The following CLDN16 variants were observed in gnomAD, a reference collection of about 807,000 sequenced individuals.
CLDN16 encodes claudin-16.
In CLDN16, 13 loss-of-function variants were observed where a neutral mutation model predicts 24.6. The observed-to-expected ratio is 0.53, with a 90% CI of 0.34 to 0.84. The LOEUF (loss-of-function observed/expected upper bound fraction) is 0.84. CLDN16 is among the 40% of genes least tolerant of loss of function. The pLI is 0.01. For synonymous variants in CLDN16, 116 were observed against 106.7 expected (o/e 1.09, Z -0.54); for missense variants, 298 against 292.7 (o/e 1.02, Z -0.13).
At position 190,388,306 on chromosome 3, in the gene CLDN16, C is replaced by T. The variant is rs1277041944; in HGVS notation, c.-24C>T. The T allele has an allele frequency of 2.5e-6, 4 of 1,614,030 alleles. No homozygotes were observed. Among genetic ancestry groups the T allele is most frequent in the East Asian group, 4.5e-5 (2 of 44,890 alleles). ...CAGGGCTGGTGTCTGCCCATGTTGC[C>T]ATCCTGATGGGCTGCTTGCCACAAT... On this transcript the variant is annotated 5_prime_UTR_variant, in exon 1 of 5. Transcript: ENST00000264734.
At chr3:190,345,106 A>C (rs1717523994) in intron 1 of CLDN16, among the ~76,000 whole-genome samples, 1 of 152,138 alleles carries the variant, frequency 6.6e-6, no homozygotes, top group Non-Finnish European at 1.5e-5. Flanking sequence ...TAACACACAC[A>C]CAGTGCTGCT....
At chr3:190,388,097 T>C, upstream of CLDN16, 4 of 1,609,418 alleles carry the variant, frequency 2.5e-6, no homozygotes, top group African/African-American at 1.3e-5. Flanking sequence ...TGCCTTCTGA[T>C]TGGAGGCTGG....
chr3:190,307,402 C>T, the CLDN16 span: 1 of 152,052 alleles, frequency 6.6e-6, no homozygotes, highest in Non-Finnish European at 1.5e-5. Flanking sequence ...GTTACAACAC[C>T]TGGGGGAACA....
At chr3:190,323,023 C>CACACACACACAG (rs1716975576) in intron 1 of CLDN16, among the ~76,000 whole-genome samples, 1 of 150,024 alleles carries the variant, frequency 6.7e-6, no homozygotes, top group Non-Finnish European at 1.5e-5. Context: ...CACACACACA[C>CACACACACACAG]ACACAGACAC....
At chr3:190,313,329 G>C in the CLDN16 span, 3 of 402,016 alleles carry the variant, frequency 7.5e-6, no homozygotes, top group Non-Finnish European at 1.4e-5. Flanking sequence ...ATTGAATAGG[G>C]TTAGCTGAAC....
chr3:190,408,064 A>AT (rs2108519582), intron 3 of CLDN16, among the ~76,000 whole-genome samples: 1 of 152,334 alleles, frequency 6.6e-6, no homozygotes, highest in South Asian at 2.1e-4. Flanking sequence ...ATTTACACAG[A>AT]TAAGCACTGT....
chr3:190,382,792 CT>C lies in CLDN16; in HGVS notation n.306+8194del, dbSNP rs1456261259. On this transcript the variant is annotated intron_variant and non_coding_transcript_variant, in intron 3 of 4. Transcript: ENST00000468220. ...CCTTTTTGAAAACAATTAAAATACT[CT>C]TTTTGTCCCAATTTCCTTCAGTCAT... Among the ~76,000 whole-genome samples, 4 of 152,126 alleles carry C rather than the reference CT, an allele frequency of 2.6e-5. No homozygotes were observed. In the East Asian group the frequency reaches 7.7e-4, roughly 29 times the overall value.
At chr3:190,386,144 G>A (rs188730676), upstream of CLDN16, among the ~76,000 whole-genome samples, 1 of 150,108 alleles carries the variant, frequency 6.7e-6, no homozygotes, top group African/African-American at 2.4e-5. Flanking sequence ...TGCTCTCCCA[G>A]ATCAGCAGAG....
At chr3:190,395,075 C>T (rs919111177) in intron 1 of CLDN16, among the ~76,000 whole-genome samples, 1 of 152,020 alleles carries the variant, frequency 6.6e-6, no homozygotes, top group African/African-American at 2.4e-5. Context: ...ATAATCATTA[C>T]AAAGTTGTAA....
chr3:190,378,740 C>T (rs1204658682), intron 3 of CLDN16, among the ~76,000 whole-genome samples: 2 of 151,984 alleles, frequency 1.3e-5, no homozygotes, highest in African/African-American at 4.8e-5. Context: ...ACTTCCATCT[C>T]CCTGACTCAT....
chr3:190,301,265 T>G, the CLDN16 span, among the ~76,000 whole-genome samples: 1 of 151,928 alleles, frequency 6.6e-6, no homozygotes. Context: ...GAGACTGAGG[T>G]GGATGAATTA....
At chr3:190,397,847 T>C (rs1162835432) in intron 1 of CLDN16, among the ~76,000 whole-genome samples, 1 of 152,222 alleles carries the variant, frequency 6.6e-6, no homozygotes, top group Non-Finnish European at 1.5e-5. Context: ...AAATGATCAA[T>C]AGCCTTGAAA....
intron 3 of CLDN16, among the ~76,000 whole-genome samples, chr3:190,406,266 A>C (rs1719095026): frequency 6.6e-6 from 1 of 152,210 alleles, no homozygotes; most frequent in South Asian, 2.1e-4. Flanking sequence ...AGATTGTATT[A>C]TAAAGTTACA....
chr3:190,408,222 C>A, intron 3 of CLDN16, 92 bp from the exon 4 acceptor site: 1 of 1,258,396 alleles, frequency 7.9e-7, no homozygotes, highest in Non-Finnish European at 1.2e-6. Flanking sequence ...CTCTCTGAAT[C>A]ACGCCAGCCA....
At chr3:190,328,112 T>G (rs1377832747) in intron 1 of CLDN16, among the ~76,000 whole-genome samples, 1 of 90,014 alleles carries the variant, frequency 1.1e-5, no homozygotes, top group African/African-American at 7.1e-5. Context: ...TAAGATTCCA[T>G]CTCTACAAAA....
chr3:190,347,333 A>T (rs1467628764), intron 1 of CLDN16, among the ~76,000 whole-genome samples: 1 of 152,206 alleles, frequency 6.6e-6, no homozygotes, highest in African/African-American at 2.4e-5. Flanking sequence ...TAGACCTCCT[A>T]TTTATAGTGC....
At chr3:190,327,134 C>T (rs3954262) in intron 1 of CLDN16, among the ~76,000 whole-genome samples, 85,462 of 151,896 alleles carry the variant, frequency 0.56, 25,063 homozygotes, top group African/African-American at 0.74. Context: ...CTGCCAAATT[C>T]AACATTCGTA....
At chr3:190,331,696 A>T (rs1401848979) in intron 1 of CLDN16, among the ~76,000 whole-genome samples, 1 of 152,196 alleles carries the variant, frequency 6.6e-6, no homozygotes, top group Non-Finnish European at 1.5e-5. Context: ...TGAAATTTTT[A>T]AAATATCTCT....
intron 1 of CLDN16, among the ~76,000 whole-genome samples, chr3:190,363,556 G>GTATATATATATATATA (rs1221514630): frequency 3.4e-4 from 30 of 87,346 alleles, no homozygotes; most frequent in Non-Finnish European, 4.4e-4. Flanking sequence ...GTGTGTGTGT[G>GTATATATATATATATA]TATATATATA....
Sources: allele counts gnomAD v4.1 joint callset (sites outside exome capture counted in the v4.1 genomes callset), GRCh38; gene constraint gnomAD v4.1.1; transcripts MANE v1.5; gene names NCBI Gene and HGNC (gene_info 2026-07-23, HGNC 2026-07-21).